CMSS1: variants seen among roughly 807,000 people sequenced by gnomAD.
CMSS1 encodes the protein protein CMSS1.
In CMSS1, 33 loss-of-function variants were observed where a neutral mutation model predicts 43.5. That is an observed-to-expected ratio of 0.76 (90% CI 0.57 to 1.01). CMSS1 has a LOEUF of 1.01. CMSS1 is among the 50% of genes least tolerant of loss of function. The pLI, the probability that CMSS1 is intolerant of heterozygous loss-of-function variation, is 0.00. For missense variants in CMSS1, 313 were observed against 326.4 expected (o/e 0.96, Z 0.32); for synonymous variants, 115 against 117.2 (o/e 0.98, Z 0.12).
intron 1 of CMSS1, among the ~76,000 whole-genome samples, chr3:99,980,741 C>T (rs543782994): frequency 6.6e-6 from 1 of 152,284 alleles, no homozygotes; most frequent in African/African-American, 2.4e-5. Flanking sequence ...TAAGTTCTCA[C>T]TGTTATCCGT....
chr3:99,822,330 C>T (rs960109940), intron 1 of CMSS1, among the ~76,000 whole-genome samples: 7 of 152,300 alleles, frequency 4.6e-5, no homozygotes, highest in African/African-American at 1.7e-4. Flanking sequence ...TCATATGCCT[C>T]CCCAACTCAT....
chr3:100,139,335 G>A (rs995796255), intron 1 of CMSS1, among the ~76,000 whole-genome samples: 6 of 151,234 alleles, frequency 4.0e-5, no homozygotes, highest in Non-Finnish European at 8.8e-5. Context: ...AAAATGAAAA[G>A]TTTAAACTCT....
chr3:100,055,847 A>G (rs1031539692), intron 1 of CMSS1, among the ~76,000 whole-genome samples: 1 of 152,254 alleles, frequency 6.6e-6, no homozygotes, highest in African/African-American at 2.4e-5. Flanking sequence ...ACTCTTCCAC[A>G]ATATGAAGGG....
chr3:100,074,986 G>A (rs976034543), intron 1 of CMSS1, among the ~76,000 whole-genome samples: 6 of 152,012 alleles, frequency 3.9e-5, no homozygotes, highest in Admixed American at 2.0e-4. Flanking sequence ...GAGCCAACAT[G>A]CCCGGCCTGA....
At chr3:99,894,259 AG>A (rs1441885554) in intron 1 of CMSS1, among the ~76,000 whole-genome samples, 2 of 152,230 alleles carry the variant, frequency 1.3e-5, no homozygotes, top group African/African-American at 4.8e-5. Flanking sequence ...CTAAGGGAGA[AG>A]ATCTGTATCT....
chr3:100,152,213 T>C (rs2066924256), intron 2 of CMSS1, among the ~76,000 whole-genome samples: 1 of 152,136 alleles, frequency 6.6e-6, no homozygotes, highest in African/African-American at 2.4e-5. Context: ...CTTTTTTTTT[T>C]TTTTCTATTA....
Position 100,137,332 on chromosome 3 carries a change from A to G in CMSS1, c.65-9641A>G, listed in dbSNP as rs117152448. ...CCCACAAAATGATACTGAACTAAAT[A>G]AAATGGATTTTTAAAAATAGAGCCA... is the stretch of plus-strand genomic sequence containing the variant. On this transcript the variant is annotated intron_variant, in intron 1 of 9. Coordinates refer to ENST00000421999, the MANE Select transcript of CMSS1 (RefSeq NM_032359.4). Among the ~76,000 whole-genome samples the G allele has an allele frequency of 4.4e-3, 664 of 152,314 alleles. 16 individuals carry two copies. The highest frequency in any genetic ancestry group is 0.025 in the East Asian group (132 of 5,182).
chr3:100,144,938 T>A lies in CMSS1; in HGVS notation c.65-2035T>A, dbSNP rs949766284. 1.6e-4 allele frequency among the ~76,000 whole-genome samples: 25 copies of A among 152,194 alleles called. 1 individual carries two copies. Among genetic ancestry groups the A allele is most frequent in the African/African-American group, 4.6e-4 (19 of 41,444 alleles). On this transcript the variant is annotated intron_variant, in intron 1 of 9. Coordinates refer to ENST00000421999, the MANE Select transcript of CMSS1 (RefSeq NM_032359.4). ...CCTTTCAGAGTCTTTCTATTTTTTTTAAATATGTAATGTCTAGGATTTTTC... is the reference window on the plus strand; with the variant it reads ...CCTTTCAGAGTCTTTCTATTTTTTTAAAATATGTAATGTCTAGGATTTTTC...
At chr3:99,905,259 C>G (rs1214075821) in intron 1 of CMSS1, among the ~76,000 whole-genome samples, 1 of 152,184 alleles carries the variant, frequency 6.6e-6, no homozygotes, top group Non-Finnish European at 1.5e-5. Flanking sequence ...TGTGCTGAAA[C>G]TCCCAAATTT....
chr3:99,885,224 A>G (rs1178475174), intron 1 of CMSS1, among the ~76,000 whole-genome samples: 1 of 152,236 alleles, frequency 6.6e-6, no homozygotes, highest in East Asian at 1.9e-4. Context: ...TTATTGCCCT[A>G]GTAATACCAA....
intron 1 of CMSS1, among the ~76,000 whole-genome samples, chr3:99,975,052 T>G (rs1391995758): frequency 1.3e-5 from 2 of 152,198 alleles, no homozygotes; most frequent in Non-Finnish European, 2.9e-5. Flanking sequence ...TCTGAGTGAC[T>G]GCTAATGTTC....
chr3:100,103,899 C>G (rs2066351114), intron 1 of CMSS1, among the ~76,000 whole-genome samples: 1 of 152,138 alleles, frequency 6.6e-6, no homozygotes, highest in Non-Finnish European at 1.5e-5. Flanking sequence ...AAATATCAAC[C>G]TTATTAATAA....
intron 1 of CMSS1, among the ~76,000 whole-genome samples, chr3:99,939,314 C>G (rs561352704): frequency 6.6e-6 from 1 of 152,166 alleles, no homozygotes; most frequent in Non-Finnish European, 1.5e-5. Flanking sequence ...AACTTTAGTT[C>G]GTGTATCCTG....
At chr3:99,834,866 TCA>T (rs1942832873) in intron 1 of CMSS1, among the ~76,000 whole-genome samples, 1 of 152,212 alleles carries the variant, frequency 6.6e-6, no homozygotes, top group South Asian at 2.1e-4. Context: ...CATGTAAACC[TCA>T]GTTTCCTCTT....
At chr3:99,848,983 GGT>G in intron 1 of CMSS1, 2 of 1,614,108 alleles carry the variant, frequency 1.2e-6, no homozygotes, top group Non-Finnish European at 1.7e-6. Flanking sequence ...TGGCTGCCCA[GGT>G]GTGTGGCTTA....
intron 2 of CMSS1, among the ~76,000 whole-genome samples, chr3:100,155,354 CATTTCTTT>C (rs1402067182): frequency 1.3e-5 from 2 of 152,190 alleles, no homozygotes; most frequent in Non-Finnish European, 2.9e-5. Context: ...ACAGTTGCTT[CATTTCTTT>C]ATTTGCCTGG....
At chr3:100,091,321 T>TTTAAGGGGTGTGCATGTA (rs2107434607) in intron 1 of CMSS1, among the ~76,000 whole-genome samples, 1 of 151,710 alleles carries the variant, frequency 6.6e-6, no homozygotes, top group East Asian at 1.9e-4. Flanking sequence ...AAACCCTGCC[T>TTTAAGGGGTGTGCATGTA]TTAAGGGGTG....
At position 100,172,387 on chromosome 3, in the gene CMSS1, A is replaced by G; in HGVS notation, c.651A>G (p.Lys217=). The G allele has an allele frequency of 6.2e-7, 1 of 1,613,790 alleles. No homozygotes were observed. The highest frequency in any genetic ancestry group is 1.1e-5 in the South Asian group (1 of 91,068). The change falls in exon 8 of 10, where the codon AAA becomes AAG. Residue 217 remains lysine (K), a synonymous_variant. Coordinates refer to ENST00000421999, the MANE Select transcript of CMSS1 (RefSeq NM_032359.4). Reference sequence around the variant, plus strand: ...GTGTAGGAACTCCGGGGAGAATTAAAGAACTTGTTAAACAAGGTATGACAA... The same window carrying G: ...GTGTAGGAACTCCGGGGAGAATTAAGGAACTTGTTAAACAAGGTATGACAA... ...HLGVGTPGRI[K]ELVKQGGLNL... is the part of the protein sequence containing the mutation.
intron 1 of CMSS1, among the ~76,000 whole-genome samples, chr3:99,975,507 G>A (rs1484008157): frequency 6.6e-6 from 1 of 151,858 alleles, no homozygotes; most frequent in African/African-American, 2.4e-5. Context: ...CAGGAGAATT[G>A]CTTGAACCCG....
Sources: gnomAD v4.1 joint callset for allele counts (sites outside exome capture counted in the v4.1 genomes callset) on GRCh38, gnomAD v4.1.1 for gene constraint, MANE v1.5 for transcripts, NCBI Gene and HGNC (gene_info 2026-07-23, HGNC 2026-07-21) for gene names.